The following SULF1 variants were observed in gnomAD, a reference collection of about 807,000 sequenced individuals.
SULF1 encodes sulfatase 1.
SULF1 carries 46 observed loss-of-function variants against 110.5 expected under a neutral mutation model. The ratio of observed to expected loss-of-function variants is 0.42; its 90% CI spans 0.33 to 0.53. SULF1 has a LOEUF of 0.53. Ranked by LOEUF, SULF1 falls within the 20% of genes least tolerant of loss-of-function variation. SULF1 has a pLI of 0.12. For synonymous variants in SULF1, 371 were observed against 387.1 expected (o/e 0.96, Z 0.49); for missense variants, 941 against 1,094.2 (o/e 0.86, Z 1.98).
chr8:69,489,667 C>G (rs1189308883), upstream of SULF1, among the ~76,000 whole-genome samples: 1 of 149,976 alleles, frequency 6.7e-6, no homozygotes, highest in Non-Finnish European at 1.5e-5. Flanking sequence ...AGCTCCGCCT[C>G]CCAGGTTCAG....
rs781011371 is a variant in SULF1, at chr8:69,601,767, A to G, written c.999A>G (p.Pro333=). The G allele has an allele frequency of 2.5e-6, 4 of 1,612,812 alleles. No individual in the cohort carries two copies. The East Asian group carries it at 6.7e-5, about 27-fold the overall frequency. ...GACTGGTCAAGGGGAAATCCATGCC[A>G]TATGACTTTGATATTCGTGTGCCTT... The part of the protein sequence containing the change: ...QFGLVKGKSM[P]YDFDIRVPFF... Residue 333 remains proline, a synonymous_variant, in exon 10 of 23, where the codon CCA becomes CCG. Transcript: ENST00000402687.
intron 2 of SULF1, among the ~76,000 whole-genome samples, chr8:69,499,462 A>G (rs897594791): frequency 6.6e-6 from 1 of 152,238 alleles, no homozygotes; most frequent in Non-Finnish European, 1.5e-5. Context: ...TCTATTGCAT[A>G]TTAAGAATTA....
intron 13 of SULF1, among the ~76,000 whole-genome samples, chr8:69,608,028 G>A (rs1808364560): frequency 6.6e-6 from 1 of 152,164 alleles, no homozygotes; most frequent in African/African-American, 2.4e-5. Context: ...GATAGTGAAT[G>A]CCCCCCTCCT....
At chr8:69,617,220 G>C (rs1007997048) in intron 13 of SULF1, among the ~76,000 whole-genome samples, 21 of 151,440 alleles carry the variant, frequency 1.4e-4, no homozygotes, top group Admixed American at 1.3e-3. Context: ...CTGTAGTGCA[G>C]TAGCATGATG....
At chr8:69,603,714 G>C in intron 12 of SULF1, 58 bp downstream of exon 12, 1 of 1,172,146 alleles carries the variant, frequency 8.5e-7, no homozygotes, top group South Asian at 1.2e-5. Flanking sequence ...AGCTTTCCCT[G>C]CTGAGTATTT....
chr8:69,623,415 T>G (rs1021881748), intron 14 of SULF1, among the ~76,000 whole-genome samples: 4 of 152,342 alleles, frequency 2.6e-5, no homozygotes, highest in African/African-American at 9.6e-5. Context: ...GAACCGGTAT[T>G]GACAATCTGA....
chr8:69,494,569 TAA>T (rs1317004840), intron 1 of SULF1, among the ~76,000 whole-genome samples: 2 of 152,240 alleles, frequency 1.3e-5, no homozygotes, highest in Non-Finnish European at 2.9e-5. Context: ...CCCCTAAATT[TAA>T]AAGTGATATT....
chr8:69,610,570 T>C (rs566394860), intron 13 of SULF1, among the ~76,000 whole-genome samples: 1 of 152,314 alleles, frequency 6.6e-6, no homozygotes, highest in Admixed American at 6.5e-5. Flanking sequence ...CATGGGTCCA[T>C]TGTGGACCAC....
chr8:69,602,827 CT>C (rs1400018355), intron 10 of SULF1, among the ~76,000 whole-genome samples: 2 of 152,118 alleles, frequency 1.3e-5, no homozygotes, highest in African/African-American at 4.8e-5. Context: ...ACTGTACATC[CT>C]TTTTTAAAAT....
chr8:69,528,282 C>T (rs1430064943), intron 3 of SULF1, among the ~76,000 whole-genome samples: 1 of 152,098 alleles, frequency 6.6e-6, no homozygotes, highest in Non-Finnish European at 1.5e-5. Flanking sequence ...TATTCTGAAC[C>T]ACACCAAATC....
chr8:69,638,767 C>T lies in SULF1; in HGVS notation c.2460C>T (p.Gly820=). 6.2e-7 allele frequency: 1 copy of T among 1,614,082 alleles called. No homozygotes were observed. The highest frequency in any genetic ancestry group is 8.5e-7 in the Non-Finnish European group (1 of 1,180,020). The stretch of plus-strand genomic sequence containing the variant: ...ATACAGTGCACACGGTAGAACGAGG[C>T]ATTTTGAATCAGCTACACGTACAAC... The part of the protein sequence containing the change: ...LTNTVHTVER[G]ILNQLHVQLM... The change falls in exon 21 of 23, where the codon GGC becomes GGT. Residue 820 remains glycine (G), a synonymous_variant. Transcript: ENST00000402687.
At chr8:69,501,690 G>C (rs574538616) in intron 2 of SULF1, among the ~76,000 whole-genome samples, 184 bp from the exon 3 acceptor site, 1 of 152,166 alleles carries the variant, frequency 6.6e-6, no homozygotes, top group Non-Finnish European at 1.5e-5. Flanking sequence ...CAAAAGGACC[G>C]AATCACCCAC....
chr8:69,652,743 G>A (rs1261811043), intron 22 of SULF1, among the ~76,000 whole-genome samples: 1 of 152,180 alleles, frequency 6.6e-6, no homozygotes, highest in Non-Finnish European at 1.5e-5. Context: ...GTGGCCAACT[G>A]CTCAAACTCT....
At chr8:69,488,691 G>C (rs1044440077), upstream of SULF1, among the ~76,000 whole-genome samples, 3 of 151,944 alleles carry the variant, frequency 2.0e-5, no homozygotes, top group Middle Eastern at 3.4e-3. Context: ...AGGGATCTGG[G>C]GATGGCCAAA....
At chr8:69,648,749 C>T (rs568568048) in intron 22 of SULF1, among the ~76,000 whole-genome samples, 107 of 152,340 alleles carry the variant, frequency 7.0e-4, no homozygotes, top group African/African-American at 2.5e-3. Flanking sequence ...ATGACACCAT[C>T]AGCACCTGTT....
At chr8:69,529,451 T>G (rs1158617728) in intron 3 of SULF1, among the ~76,000 whole-genome samples, 5 of 152,230 alleles carry the variant, frequency 3.3e-5, no homozygotes, top group South Asian at 2.1e-4. Flanking sequence ...TTTTAGAAAC[T>G]TATTGTATTA....
intron 3 of SULF1, among the ~76,000 whole-genome samples, chr8:69,562,331 G>A (rs1371897662): frequency 6.6e-6 from 1 of 152,128 alleles, no homozygotes; most frequent in African/African-American, 2.4e-5. Flanking sequence ...CAGAATTAAG[G>A]GCATGAAGTT....
chr8:69,491,273 C>T (rs1809928701), upstream of SULF1, among the ~76,000 whole-genome samples: 3 of 152,192 alleles, frequency 2.0e-5, no homozygotes, highest in Admixed American at 2.0e-4. Flanking sequence ...AGCTCATGTT[C>T]TATATTTCAC....
chr8:69,563,262 C>G (rs964888047), intron 3 of SULF1: 2 of 152,198 alleles, frequency 1.3e-5, no homozygotes, highest in African/African-American at 4.8e-5. Flanking sequence ...ATCGTCAGCT[C>G]TGTTGGGGAT....
Sources: allele counts gnomAD v4.1 joint callset (sites outside exome capture counted in the v4.1 genomes callset), GRCh38; gene constraint gnomAD v4.1.1; transcripts MANE v1.5; gene names NCBI Gene and HGNC (gene_info 2026-07-23, HGNC 2026-07-21).